The following RBFOX3 variants were observed in gnomAD, a reference collection of about 807,000 sequenced individuals.
RBFOX3 encodes RNA binding fox-1 homolog 3.
A neutral mutation model predicts 48.7 loss-of-function variants in RBFOX3; 17 were observed. The ratio of observed to expected loss-of-function variants is 0.35; its 90% CI spans 0.24 to 0.52. The LOEUF (loss-of-function observed/expected upper bound fraction) is 0.52, where lower values mean the gene tolerates loss of function less well. Among genes scored for constraint, RBFOX3 ranks in the 20% least tolerant of loss-of-function variants. The probability of loss-of-function intolerance (pLI) is 0.94; values close to 1 mark genes in which losing one functional copy is unlikely to be tolerated. For synonymous variants in RBFOX3, 212 were observed against 209.5 expected (o/e 1.01, Z -0.10); for missense variants, 382 against 497.5 (o/e 0.77, Z 2.21).
In RBFOX3 at chr17:79,095,521, G is replaced by A. The variant is rs1286746530; in HGVS notation, c.990C>T (p.Tyr330=). 1 of 1,551,160 alleles carries A rather than the reference G, an allele frequency of 6.4e-7. No homozygotes were observed. The highest frequency in any genetic ancestry group is 1.4e-5 in the African/African-American group (1 of 73,058). ...CTGGCCCCCGGCCTCACCTGTCGCT[G>A]TAGGCTGCCGCCGCTGCAGCGGGCT... ...YAQPAAAAAA[Y]SDSYGRVYAA... is the part of the protein sequence containing the mutation. Residue 330 remains tyrosine (Y), a synonymous_variant, in exon 13 of 15, where the codon TAC becomes TAT. Coordinates refer to ENST00000693108, the MANE Select transcript of RBFOX3 (RefSeq NM_001350451.2).
At chr17:79,620,129 A>G in the RBFOX3 span, among the ~76,000 whole-genome samples, 2 of 146,870 alleles carry the variant, frequency 1.4e-5, no homozygotes, top group African/African-American at 2.6e-5. Context: ...ACACATACAC[A>G]CATGCACACG....
chr17:79,139,387 C>T (rs939940398), intron 4 of RBFOX3, among the ~76,000 whole-genome samples: 3 of 152,242 alleles, frequency 2.0e-5, no homozygotes, highest in East Asian at 1.9e-4. Context: ...CCTGCCCAGC[C>T]GCATCTTGGC....
At position 79,134,049 on chromosome 17, in the gene RBFOX3, T is replaced by C. The variant is rs190159814; in HGVS notation, c.-33-18301A>G. On this transcript the variant is annotated intron_variant, in intron 4 of 14. Transcript: ENST00000693108. Reference sequence around the variant, plus strand: ...GATATTAAGCACAGTGCCCAGGACATGAGGTGGGCAGGAGGGGGTGGAGAC... The same window carrying C: ...GATATTAAGCACAGTGCCCAGGACACGAGGTGGGCAGGAGGGGGTGGAGAC... Among the ~76,000 whole-genome samples the C allele has an allele frequency of 7.9e-5, 12 of 152,306 alleles. No homozygotes were observed. In the East Asian group the frequency reaches 1.7e-3, roughly 22 times the overall value.
chr17:79,230,089 C>T (rs1203914832), intron 4 of RBFOX3, among the ~76,000 whole-genome samples: 1 of 152,176 alleles, frequency 6.6e-6, no homozygotes, highest in Non-Finnish European at 1.5e-5. Flanking sequence ...GCTATTCTCA[C>T]TGGGGGCAAG....
intron 4 of RBFOX3, among the ~76,000 whole-genome samples, chr17:79,147,948 T>C (rs2043391839): frequency 6.6e-6 from 1 of 152,246 alleles, no homozygotes; most frequent in Non-Finnish European, 1.5e-5. Flanking sequence ...AAGGAATCAC[T>C]GACCTGTGAA....
At position 79,101,555 on chromosome 17, in the gene RBFOX3, C is replaced by A. The variant is rs201611747; in HGVS notation, c.568+29G>T. ...CCTCTGTCCCAGCCAGTGACCCCAG[C>A]AGCCTTGTGGGGGGACCCAGCCCCT... On this transcript the variant is annotated intron_variant, in intron 9 of 14. Transcript: ENST00000693108. The A allele has an allele frequency of 4.4e-3, 6,707 of 1,541,620 alleles. 29 individuals carry two copies. The highest frequency in any genetic ancestry group is 8.5e-3 in the Middle Eastern group (51 of 5,970).
chr17:79,596,729 A>G (rs1246781808), intron 1 of RBFOX3, among the ~76,000 whole-genome samples: 1 of 149,022 alleles, frequency 6.7e-6, no homozygotes, highest in Non-Finnish European at 1.5e-5. Flanking sequence ...GCAGACGCCC[A>G]TCAGGATCTG....
At chr17:79,102,921 AGGAAAAGGAG>A (rs966588961) in intron 8 of RBFOX3, among the ~76,000 whole-genome samples, 7 of 152,122 alleles carry the variant, frequency 4.6e-5, no homozygotes, top group Non-Finnish European at 1.0e-4. Flanking sequence ...CGCCTCTCCT[AGGAAAAGGAG>A]GGAAGAGGCA....
rs534226254 is a variant in RBFOX3 at position 79,213,655 on chromosome 17, C to T, written c.-34+22111G>A. 4.0e-4 allele frequency among the ~76,000 whole-genome samples: 61 copies of T among 152,320 alleles called. No homozygotes were observed. The South Asian group carries it at 0.011, about 28-fold the overall frequency. ...CATCTTGGATGTCCTGAGCCTTCCCCGGGGACTGCGACCATTAGGGGCACT... is the reference window on the plus strand; with the variant it reads ...CATCTTGGATGTCCTGAGCCTTCCCTGGGGACTGCGACCATTAGGGGCACT... On this transcript the variant is annotated intron_variant, in intron 4 of 14. Transcript: ENST00000693108.
intron 2 of RBFOX3, among the ~76,000 whole-genome samples, chr17:79,317,341 A>G (rs1429440012): frequency 1.3e-5 from 2 of 152,268 alleles, no homozygotes; most frequent in Non-Finnish European, 2.9e-5. Context: ...TTGATTCTGC[A>G]GTCAGGCCAA....
intron 1 of RBFOX3, among the ~76,000 whole-genome samples, chr17:79,537,894 G>T (rs1555789169): frequency 6.6e-6 from 1 of 152,152 alleles, no homozygotes; most frequent in Non-Finnish European, 1.5e-5. Context: ...TGATGGGGGT[G>T]GGGGAGATGA....
chr17:79,201,817 C>T (rs772905787), intron 4 of RBFOX3, among the ~76,000 whole-genome samples: 8 of 152,194 alleles, frequency 5.3e-5, no homozygotes, highest in Admixed American at 2.0e-4. Context: ...TCCCTGACTC[C>T]GCTGGAGGCT....
chr17:79,402,941 G>A (rs186102033), intron 2 of RBFOX3, among the ~76,000 whole-genome samples: 3 of 152,280 alleles, frequency 2.0e-5, no homozygotes, highest in Non-Finnish European at 4.4e-5. Flanking sequence ...CCCACAGGAC[G>A]TGCCCGGCAA....
At chr17:79,541,890 C>T (rs912627370) in intron 1 of RBFOX3, among the ~76,000 whole-genome samples, 2 of 152,152 alleles carry the variant, frequency 1.3e-5, no homozygotes, top group Non-Finnish European at 2.9e-5. Flanking sequence ...CAGAGTGACA[C>T]CTCCTGCCGA....
At chr17:79,187,818 A>C (rs1178124895) in intron 4 of RBFOX3, among the ~76,000 whole-genome samples, 1 of 152,154 alleles carries the variant, frequency 6.6e-6, no homozygotes, top group Non-Finnish European at 1.5e-5. Context: ...CCACGGGGCA[A>C]GGTCAGGCTG....
At chr17:79,514,618 C>T (rs982365152) in intron 1 of RBFOX3, among the ~76,000 whole-genome samples, 47 of 152,318 alleles carry the variant, frequency 3.1e-4, no homozygotes, top group African/African-American at 9.4e-4. Flanking sequence ...GGCAAGTTTC[C>T]CTGGCTGCCA....
intron 1 of RBFOX3, among the ~76,000 whole-genome samples, chr17:79,484,953 G>A (rs2079343549): frequency 6.6e-6 from 1 of 152,202 alleles, no homozygotes; most frequent in African/African-American, 2.4e-5. Flanking sequence ...GGAGATAATA[G>A]GATACACTTC....
At chr17:79,520,933 C>T (rs1269165215) in intron 1 of RBFOX3, among the ~76,000 whole-genome samples, 7 of 152,224 alleles carry the variant, frequency 4.6e-5, no homozygotes, top group African/African-American at 1.7e-4. Context: ...AACTGGGAGG[C>T]CCTTGTTTGA....
rs1033993042 is a variant in RBFOX3 at position 79,198,102 on chromosome 17, C to T, written c.-34+37664G>A. The stretch of plus-strand genomic sequence containing the variant: ...CATCCCGGAAGTGCTACGGTTGCAT[C>T]GTGTGGGGTGGGCTGTCATCCCGGA... On this transcript the variant is annotated intron_variant, in intron 4 of 14. Transcript: ENST00000693108. This position sits in a 1 kb window ranked among gnomAD's most constrained non-coding sequence, Gnocchi z 8.2. 1.8e-4 allele frequency among the ~76,000 whole-genome samples: 27 copies of T among 151,310 alleles called. 1 individual carries two copies. The highest frequency in any genetic ancestry group is 3.7e-4 in the African/African-American group (15 of 40,906).
Sources: gnomAD v4.1 joint callset for allele counts (sites outside exome capture counted in the v4.1 genomes callset) on GRCh38, gnomAD v4.1.1 for gene constraint, Gnocchi (gnomAD v3.1) non-coding constraint, MANE v1.5 for transcripts, NCBI Gene and HGNC (gene_info 2026-07-23, HGNC 2026-07-21) for gene names.